TASP1: variants seen among roughly 807,000 people sequenced by gnomAD.
TASP1 encodes threonine aspartase 1.
A neutral mutation model predicts 56.6 loss-of-function variants in TASP1; 16 were observed. The ratio of observed to expected loss-of-function variants is 0.28; its 90% CI spans 0.19 to 0.43. The LOEUF (loss-of-function observed/expected upper bound fraction) is 0.43. TASP1 is among the 20% of genes least tolerant of loss of function. The pLI is 1.00. For synonymous variants in TASP1, 179 were observed against 184.2 expected (o/e 0.97, Z 0.23); for missense variants, 393 against 511.6 (o/e 0.77, Z 2.24).
chr20:13,452,788 G>T (rs760258461), intron 11 of TASP1, among the ~76,000 whole-genome samples: 1 of 152,076 alleles, frequency 6.6e-6, no homozygotes, highest in Non-Finnish European at 1.5e-5. Context: ...GTTGAACTTG[G>T]TTCAACATCA....
At chr20:13,228,304 C>G in the TASP1 span, among the ~76,000 whole-genome samples, 1 of 152,052 alleles carries the variant, frequency 6.6e-6, no homozygotes, top group African/African-American at 2.4e-5. Context: ...ATACTTTCAT[C>G]TTTTATTTTG....
chr20:13,323,031 G>A, the TASP1 span, among the ~76,000 whole-genome samples: 2 of 152,026 alleles, frequency 1.3e-5, no homozygotes, highest in Non-Finnish European at 2.9e-5. Context: ...CTGACTTCCA[G>A]AACAATTGGG....
chr20:13,383,573 T>C, the TASP1 span, among the ~76,000 whole-genome samples: 3 of 152,158 alleles, frequency 2.0e-5, no homozygotes, highest in African/African-American at 7.2e-5. Flanking sequence ...CCTAAACCTG[T>C]AGAAGGCCTG....
intron 12 of TASP1, among the ~76,000 whole-genome samples, chr20:13,420,359 A>G (rs1042109805): frequency 6.6e-6 from 1 of 152,248 alleles, no homozygotes; most frequent in Non-Finnish European, 1.5e-5. Flanking sequence ...TTTCAATAAA[A>G]TTTCTAGATC....
At chr20:13,296,259 C>A in the TASP1 span, among the ~76,000 whole-genome samples, 1 of 152,174 alleles carries the variant, frequency 6.6e-6, no homozygotes, top group Non-Finnish European at 1.5e-5. Flanking sequence ...TGAGGTCTTT[C>A]TCTGGACCCG....
intron 8 of TASP1, among the ~76,000 whole-genome samples, chr20:13,545,459 T>C (rs2045773389): frequency 6.6e-6 from 1 of 152,128 alleles, no homozygotes; most frequent in African/African-American, 2.4e-5. Flanking sequence ...AGTACGATAA[T>C]ACAAATAAAA....
the TASP1 span, chr20:13,299,313 A>G: frequency 6.2e-7 from 1 of 1,613,850 alleles, no homozygotes. The surrounding 1 kb of genome is among the most constrained non-coding windows in gnomAD (Gnocchi z 5.8). Context: ...GCTCCACTAC[A>G]AGGTGGACGT....
chr20:13,164,950 C>T, the TASP1 span: 6 of 1,200,440 alleles, frequency 5.0e-6, no homozygotes, highest in Non-Finnish European at 7.0e-6. Flanking sequence ...ATGGATTTCT[C>T]CCCCTTCCTC....
At position 13,400,300 on chromosome 20, in the gene TASP1, G is replaced by GT. The variant is rs200843884; in HGVS notation, c.1171-9849dup. Among the ~76,000 whole-genome samples the GT allele has an allele frequency of 4.5e-3, 687 of 152,226 alleles. 3 individuals are homozygous for GT. The highest frequency in any genetic ancestry group is 0.01 in the East Asian group (54 of 5,176). ...AACTTTTACTCCTAAGTAAACTGAG[G>GT]TTTTTTAATAGCTGAAATCTCAAGC... On this transcript the variant is annotated intron_variant, in intron 13 of 13. Transcript: ENST00000337743.
intron 11 of TASP1, among the ~76,000 whole-genome samples, chr20:13,463,240 C>T (rs986467770): frequency 2.0e-5 from 3 of 152,016 alleles, no homozygotes; most frequent in Admixed American, 6.6e-5. Flanking sequence ...TTTTTCAAGA[C>T]GGGTGTCAAG....
chr20:13,589,057 G>T (rs865871888), intron 4 of TASP1, among the ~76,000 whole-genome samples: 166 of 133,756 alleles, frequency 1.2e-3, no homozygotes, highest in African/African-American at 4.1e-3. Flanking sequence ...TCTTTCGTGG[G>T]TTTTTTTTTT....
the TASP1 span, among the ~76,000 whole-genome samples, chr20:13,373,904 C>G: frequency 3.6e-4 from 55 of 152,064 alleles, no homozygotes; most frequent in East Asian, 0.01. Flanking sequence ...ACGGGTGTTC[C>G]ACAGTTTCTC....
At chr20:13,209,632 C>T in the TASP1 span, among the ~76,000 whole-genome samples, 3 of 152,042 alleles carry the variant, frequency 2.0e-5, no homozygotes, top group South Asian at 2.1e-4. Flanking sequence ...ATGACACCCC[C>T]GTGGATTTAT....
At chr20:13,211,074 C>T in the TASP1 span, among the ~76,000 whole-genome samples, 1 of 152,026 alleles carries the variant, frequency 6.6e-6, no homozygotes, top group Non-Finnish European at 1.5e-5. Flanking sequence ...AGAAAGGCAA[C>T]ACCTGAGTGC....
chr20:13,489,543 G>A (rs1229991284), intron 10 of TASP1, among the ~76,000 whole-genome samples: 1 of 151,918 alleles, frequency 6.6e-6, no homozygotes, highest in African/African-American at 2.4e-5. Flanking sequence ...GAAAAGAAAA[G>A]AAAAAAGAAA....
chr20:13,436,901 T>C (rs1254918475), intron 11 of TASP1, among the ~76,000 whole-genome samples: 1 of 152,144 alleles, frequency 6.6e-6, no homozygotes, highest in Non-Finnish European at 1.5e-5. Context: ...AAATAGTTAA[T>C]ACCAAACAGT....
intron 11 of TASP1, among the ~76,000 whole-genome samples, chr20:13,465,408 A>G (rs1050598263): frequency 2.0e-5 from 3 of 151,816 alleles, no homozygotes; most frequent in Non-Finnish European, 4.4e-5. Flanking sequence ...CCGGAAAACA[A>G]CTCTGTGGTT....
At chr20:13,520,112 G>T (rs374193259) in intron 10 of TASP1, among the ~76,000 whole-genome samples, 1 of 152,168 alleles carries the variant, frequency 6.6e-6, no homozygotes, top group Non-Finnish European at 1.5e-5. Flanking sequence ...ACTGCTCAAT[G>T]AAATAAAACA....
At chr20:13,393,035 TCTCTGCTGC>T (rs1371733398) in intron 13 of TASP1, 1 of 589,144 alleles carries the variant, frequency 1.7e-6, no homozygotes, top group African/African-American at 1.8e-5. Flanking sequence ...AGGGTCATCA[TCTCTGCTGC>T]CTCTGCTGAG....
Sources: allele counts gnomAD v4.1 joint callset (sites outside exome capture counted in the v4.1 genomes callset), GRCh38; gene constraint gnomAD v4.1.1; non-coding constraint Gnocchi (gnomAD v3.1); transcripts MANE v1.5; gene names NCBI Gene and HGNC (gene_info 2026-07-23, HGNC 2026-07-21).